Variants in PRKCQ observed in about 807,000 individuals in gnomAD.
The protein encoded by PRKCQ is protein kinase C theta.
A neutral mutation model predicts 91.2 loss-of-function variants in PRKCQ; 41 were observed. That is an observed-to-expected ratio of 0.45 (90% CI 0.35 to 0.58). The LOEUF is 0.58. Ranked by LOEUF, PRKCQ falls within the 20% of genes least tolerant of loss-of-function variation. PRKCQ has a pLI of 0.00. For missense variants in PRKCQ, 673 were observed against 896.5 expected, an observed-to-expected ratio of 0.75 and a Z score of 3.18; for synonymous variants, 307 against 316.9, an observed-to-expected ratio of 0.97 and a Z score of 0.33.
intron 3 of PRKCQ, 112 bp from the exon 4 acceptor site, chr10:6,507,608 T>C (rs1014927973): frequency 1.9e-5 from 17 of 913,690 alleles, no homozygotes; most frequent in Admixed American, 1.7e-4. Context: ...AATACAATCA[T>C]TGTTACTCTC....
chr10:6,482,515 G>C (rs1410109759), intron 11 of PRKCQ, among the ~76,000 whole-genome samples: 1 of 152,186 alleles, frequency 6.6e-6, no homozygotes, highest in Non-Finnish European at 1.5e-5. Context: ...GCAAAGCATG[G>C]AGAGGGGCCT....
intron 15 of PRKCQ, among the ~76,000 whole-genome samples, chr10:6,444,287 C>T (rs926079753): frequency 1.3e-5 from 2 of 152,112 alleles, no homozygotes; most frequent in Non-Finnish European, 2.9e-5. Context: ...TCAGGCTGGT[C>T]TTGATCTCCT....
At chr10:6,463,813 G>A (rs1325485236) in intron 13 of PRKCQ, among the ~76,000 whole-genome samples, 1 of 152,194 alleles carries the variant, frequency 6.6e-6, no homozygotes, top group Non-Finnish European at 1.5e-5. Flanking sequence ...TGCAGGTGCA[G>A]TCCCACCAGG....
rs78002544 is a variant in PRKCQ at position 6,428,404 on chromosome 10, C to T, written c.1966-42G>A. 3.3e-3 allele frequency: 5,208 copies of T among 1,593,466 alleles called. 159 individuals are homozygous for T. The African/African-American group carries it at 0.063, about 19-fold the overall frequency. ...GGGAAGAAAGAAAGAGAAGAAAAAT[C>T]AGCCATTAAGTTCATGATCTTCACT... On this transcript the variant is annotated intron_variant, in intron 17 of 17. Transcript: ENST00000263125.
rs567693433 is a variant in PRKCQ, at chr10:6,555,132, G to T, written c.-10+25079C>A. ...ATAGATACTGGGGACAAGTAAAGGT[G>T]GGAGGGGGGGGGTCTAGGGTTGAAA... On this transcript the variant is annotated intron_variant, in intron 1 of 17. Transcript: ENST00000263125. Among the ~76,000 whole-genome samples, 226 of 152,132 alleles carry T rather than the reference G, an allele frequency of 1.5e-3. 1 individual carries two copies. The highest frequency in any genetic ancestry group is 5.3e-3 in the African/African-American group (221 of 41,494).
chr10:6,548,589 T>C (rs1444692367), intron 1 of PRKCQ, among the ~76,000 whole-genome samples: 1 of 147,566 alleles, frequency 6.8e-6, no homozygotes, highest in African/African-American at 2.5e-5. Flanking sequence ...TGTAGGGACA[T>C]GGATGAAATT....
chr10:6,446,067 G>A (rs1053316913), intron 15 of PRKCQ, among the ~76,000 whole-genome samples: 4 of 152,184 alleles, frequency 2.6e-5, no homozygotes, highest in Non-Finnish European at 5.9e-5. Flanking sequence ...AAACTCACAC[G>A]TGCAGCAGAG....
Position 6,514,897 on chromosome 10 carries a change from T to C in PRKCQ, c.118+121A>G, listed in dbSNP as rs926371206. On this transcript the variant is annotated intron_variant, in intron 2 of 17. Coordinates refer to ENST00000263125, the MANE Select transcript of PRKCQ (RefSeq NM_006257.5). Reference sequence around the variant, plus strand: ...TTGGCTTTGCTGGGCATCAGCGTCCTAAATGGCAGGATTTGGTTCCACCAG... The same window carrying C: ...TTGGCTTTGCTGGGCATCAGCGTCCCAAATGGCAGGATTTGGTTCCACCAG... The C allele has an allele frequency of 1.4e-5, 21 of 1,520,178 alleles. No homozygotes were observed. In the Admixed American group the frequency reaches 3.2e-4, roughly 23 times the overall value. 94.2% of individuals were successfully genotyped at this position (1,520,178 alleles called of 1,614,324 possible). A position where few individuals can be genotyped will look rare whatever the true frequency, so the allele number is the denominator to read the frequency against.
chr10:6,555,642 A>G (rs775595467), intron 1 of PRKCQ, among the ~76,000 whole-genome samples: 22 of 152,226 alleles, frequency 1.4e-4, no homozygotes, highest in Non-Finnish European at 2.1e-4. Flanking sequence ...GTAAAGCATT[A>G]TATCAATTTC....
At chr10:6,580,294 G>GCTGGCGGGA (rs1841429477), upstream of PRKCQ, 1 of 56,008 alleles carries the variant, frequency 1.8e-5, no homozygotes, top group South Asian at 1.2e-3. Flanking sequence ...GACTGGCGGG[G>GCTGGCGGGA]CTGGCGGGGC....
chr10:6,444,795 G>C (rs779654499), intron 15 of PRKCQ, among the ~76,000 whole-genome samples: 3 of 151,904 alleles, frequency 2.0e-5, no homozygotes, highest in Non-Finnish European at 2.9e-5. Flanking sequence ...TTCTCTAATG[G>C]GCCTTTGGAA....
intron 13 of PRKCQ, among the ~76,000 whole-genome samples, chr10:6,464,034 T>G (rs599305): frequency 0.99 from 150,746 of 152,342 alleles, 74,595 homozygotes; most frequent in East Asian, 1. Context: ...TTTCCAAAGG[T>G]TACATATTTG....
chr10:6,409,023 T>A, the PRKCQ span, among the ~76,000 whole-genome samples: 1 of 152,218 alleles, frequency 6.6e-6, no homozygotes, highest in South Asian at 2.1e-4. Context: ...TTTTGTGCAG[T>A]TTGCTTTCTG....
chr10:6,478,800 T>C (rs566612043), intron 12 of PRKCQ, among the ~76,000 whole-genome samples, 192 bp downstream of exon 12: 20 of 152,278 alleles, frequency 1.3e-4, no homozygotes, highest in Admixed American at 2.6e-4. Flanking sequence ...TCTTTCCCAA[T>C]TGATGACACT....
At chr10:6,437,515 T>G (rs1242409103) in intron 16 of PRKCQ, among the ~76,000 whole-genome samples, 1 of 152,234 alleles carries the variant, frequency 6.6e-6, no homozygotes, top group Non-Finnish European at 1.5e-5. Context: ...GAGCCCAAGC[T>G]GACACATTTC....
intron 15 of PRKCQ, among the ~76,000 whole-genome samples, chr10:6,449,957 T>C (rs1164234567): frequency 6.6e-5 from 10 of 152,156 alleles, no homozygotes; most frequent in African/African-American, 1.9e-4. Context: ...AAGGCACAAC[T>C]GGTACCAGCT....
At chr10:6,413,434 T>A in the PRKCQ span, among the ~76,000 whole-genome samples, 1 of 151,652 alleles carries the variant, frequency 6.6e-6, no homozygotes, top group East Asian at 1.9e-4. Flanking sequence ...ATATTTTTAA[T>A]CCTTAGGAAG....
chr10:6,489,481 G>A (rs1208048788), intron 8 of PRKCQ: 1 of 529,588 alleles, frequency 1.9e-6, no homozygotes, highest in South Asian at 1.4e-5. Context: ...GGGAGAAAGA[G>A]AAGGCAGGGT....
intron 12 of PRKCQ, among the ~76,000 whole-genome samples, chr10:6,468,906 G>A (rs1414293041): frequency 6.6e-6 from 1 of 152,198 alleles, no homozygotes; most frequent in East Asian, 1.9e-4. Context: ...GATGGAAAGA[G>A]TTGGGAATTC....
Sources: gnomAD v4.1 joint callset for allele counts (sites outside exome capture counted in the v4.1 genomes callset) on GRCh38, gnomAD v4.1.1 for gene constraint, MANE v1.5 for transcripts, NCBI Gene and HGNC (gene_info 2026-07-23, HGNC 2026-07-21) for gene names.